The following GPHN variants were observed in gnomAD, a reference collection of about 807,000 sequenced individuals.
GPHN encodes the protein gephyrin.
GPHN carries 17 observed loss-of-function variants against 95.5 expected under a neutral mutation model. That is an observed-to-expected ratio of 0.18 (90% CI 0.12 to 0.27). The LOEUF (loss-of-function observed/expected upper bound fraction) is 0.27. Among genes scored for constraint, GPHN ranks in the 10% least tolerant of loss-of-function variants. The probability of loss-of-function intolerance (pLI) is 1.00; values close to 1 mark genes in which losing one functional copy is unlikely to be tolerated. For missense variants in GPHN, 660 were observed against 978.1 expected (o/e 0.67, Z 4.34); for synonymous variants, 320 against 322.5 (o/e 0.99, Z 0.08).
chr14:67,571,517 G>T, the GPHN span: 1 of 453,708 alleles, frequency 2.2e-6, no homozygotes, highest in East Asian at 3.2e-5. Flanking sequence ...GTCGTGATGG[G>T]CAGCTGCTTT....
the GPHN span, among the ~76,000 whole-genome samples, chr14:67,607,646 T>A: frequency 6.6e-6 from 1 of 152,148 alleles, no homozygotes; most frequent in South Asian, 2.1e-4. Context: ...ATTACAGGCG[T>A]GAGCCACCAC....
chr14:67,311,858 T>G, the GPHN span: 1 of 152,490 alleles, frequency 6.6e-6, no homozygotes, highest in South Asian at 2.1e-4. Context: ...TTTAGTTAAT[T>G]TTAGTCGTTG....
the GPHN span, chr14:67,301,487 T>C: frequency 6.4e-7 from 1 of 1,554,190 alleles, no homozygotes; most frequent in African/African-American, 1.4e-5. Context: ...GACAGAATAC[T>C]ATATATGTGG....
chr14:67,161,585 AC>A (rs2081985253), intron 19 of GPHN, among the ~76,000 whole-genome samples: 2 of 151,696 alleles, frequency 1.3e-5, no homozygotes, highest in South Asian at 2.1e-4. Flanking sequence ...ACATGGCAAA[AC>A]CCCGTCTCTA....
At chr14:67,339,210 G>A in the GPHN span, among the ~76,000 whole-genome samples, 1 of 151,868 alleles carries the variant, frequency 6.6e-6, no homozygotes, top group African/African-American at 2.4e-5. Context: ...TCTTGGCCAG[G>A]CTGGTCTTGA....
chr14:66,761,467 T>C (rs1396892540), intron 2 of GPHN, among the ~76,000 whole-genome samples: 2 of 152,146 alleles, frequency 1.3e-5, no homozygotes, highest in Non-Finnish European at 2.9e-5. Flanking sequence ...TTTTAGTACT[T>C]CCTGTTTTCG....
At chr14:67,260,413 T>G in the GPHN span, among the ~76,000 whole-genome samples, 1 of 152,208 alleles carries the variant, frequency 6.6e-6, no homozygotes, top group African/African-American at 2.4e-5. Flanking sequence ...TATTTGTATA[T>G]AGCACAATAT....
the GPHN span, among the ~76,000 whole-genome samples, chr14:67,489,198 A>G: frequency 6.6e-6 from 1 of 152,152 alleles, no homozygotes; most frequent in Admixed American, 6.5e-5. Context: ...GGTCACCTCT[A>G]TTTTAGAAAT....
chr14:67,581,048 A>G, the GPHN span: 1 of 1,571,458 alleles, frequency 6.4e-7, no homozygotes, highest in Non-Finnish European at 8.8e-7. Flanking sequence ...GGTCCTAAGC[A>G]CTGCACGAGG....
At chr14:67,460,573 G>A in the GPHN span, among the ~76,000 whole-genome samples, 3 of 152,162 alleles carry the variant, frequency 2.0e-5, no homozygotes, top group South Asian at 2.1e-4. Context: ...GCATGATGGC[G>A]CACACCTGTA....
At chr14:67,193,604 G>T in the GPHN span, among the ~76,000 whole-genome samples, 6 of 141,912 alleles carry the variant, frequency 4.2e-5, no homozygotes, top group Admixed American at 4.2e-4. Context: ...TATATCTATA[G>T]ATATATAGAT....
the GPHN span, among the ~76,000 whole-genome samples, chr14:67,627,672 T>C: frequency 2.0e-5 from 3 of 152,196 alleles, no homozygotes; most frequent in East Asian, 5.8e-4. Flanking sequence ...TAGTGGCTCA[T>C]GCCTGTCAGC....
the GPHN span, among the ~76,000 whole-genome samples, chr14:67,452,619 C>T: frequency 1.3e-5 from 2 of 152,130 alleles, no homozygotes. Flanking sequence ...TTATAGGAAG[C>T]AGGGCAGTGT....
chr14:66,965,721 C>T (rs899952675), intron 9 of GPHN, among the ~76,000 whole-genome samples: 2 of 152,162 alleles, frequency 1.3e-5, no homozygotes, highest in Non-Finnish European at 2.9e-5. Flanking sequence ...TTTCTTTAAA[C>T]TTGTCCGGGC....
chr14:67,582,042 C>T, the GPHN span: 29,157 of 1,596,546 alleles, frequency 0.018, 902 homozygotes, highest in Admixed American at 0.095. This position sits in a 1 kb window ranked among gnomAD's most constrained non-coding sequence, Gnocchi z 5.0. Context: ...CCTGCTGAGT[C>T]CTGGTTTCTT....
the GPHN span, chr14:67,374,407 TG>T: frequency 1.0e-6 from 1 of 986,048 alleles, no homozygotes; most frequent in Non-Finnish European, 1.5e-6. Context: ...TCTTCAAAGC[TG>T]GTTACAATAG....
intron 4 of GPHN, among the ~76,000 whole-genome samples, chr14:66,854,434 A>G (rs1381036895): frequency 1.3e-5 from 2 of 152,248 alleles, no homozygotes; most frequent in African/African-American, 4.8e-5. Context: ...GAGAAGATCC[A>G]TAAATGGGGG....
At chr14:67,017,094 C>T (rs1361468974) in intron 9 of GPHN, among the ~76,000 whole-genome samples, 1 of 152,034 alleles carries the variant, frequency 6.6e-6, no homozygotes, top group Admixed American at 6.6e-5. Context: ...AAAGGACATC[C>T]TCTTTATCAT....
the GPHN span, among the ~76,000 whole-genome samples, chr14:67,415,887 A>C: frequency 1.3e-5 from 2 of 152,230 alleles, no homozygotes; most frequent in Non-Finnish European, 2.9e-5. Context: ...ACAGAAAACC[A>C]AACATCGCAT....
Sources: gnomAD v4.1 joint callset for allele counts (sites outside exome capture counted in the v4.1 genomes callset) on GRCh38, gnomAD v4.1.1 for gene constraint, Gnocchi (gnomAD v3.1) non-coding constraint, MANE v1.5 for transcripts, NCBI Gene and HGNC (gene_info 2026-07-23, HGNC 2026-07-21) for gene names.